The following FBN3 variants were observed in gnomAD, a reference collection of about 807,000 sequenced individuals.
The protein encoded by FBN3 is fibrillin 3, also known as fibrillin-3.
A neutral mutation model predicts 330.1 loss-of-function variants in FBN3; 234 were observed. The ratio of observed to expected loss-of-function variants is 0.71; its 90% CI spans 0.64 to 0.79. The LOEUF (loss-of-function observed/expected upper bound fraction) is 0.79. Ranked by LOEUF, FBN3 falls within the 30% of genes least tolerant of loss-of-function variation. The pLI, the probability that FBN3 is intolerant of heterozygous loss-of-function variation, is 0.00. For missense variants in FBN3, 3,606 were observed against 3,886.9 expected, an observed-to-expected ratio of 0.93 and a Z score of 1.92; for synonymous variants, 1,458 against 1,517.3, an observed-to-expected ratio of 0.96 and a Z score of 0.91.
chr19:8,145,978 G>A, intron 4 of FBN3, 40 bp from the exon 5 acceptor site: 2 of 1,529,026 alleles, frequency 1.3e-6, no homozygotes, highest in Non-Finnish European at 1.8e-6. Context: ...ATGTGGAGAT[G>A]GGCCCCGAGA....
chr19:8,094,325 T>G, intron 47 of FBN3, 121 bp downstream of exon 47: 1 of 1,068,532 alleles, frequency 9.4e-7, no homozygotes, highest in East Asian at 2.7e-5. Flanking sequence ...GAAGCTGTGT[T>G]TGACGCTGCG....
At chr19:8,082,797 T>TG (rs2081836697) in intron 57 of FBN3, among the ~76,000 whole-genome samples, 2 of 26,956 alleles carry the variant, frequency 7.4e-5, no homozygotes, top group South Asian at 1.0e-3. Flanking sequence ...CCTGGCCTGT[T>TG]TTTTTTTTTC....
At chr19:8,070,626 C>G (rs2145347422) in intron 63 of FBN3, among the ~76,000 whole-genome samples, 1 of 152,320 alleles carries the variant, frequency 6.6e-6, no homozygotes. Flanking sequence ...GTCCACGTGC[C>G]ATATCCATGG....
chr19:8,124,635 T>C (rs574396196), intron 22 of FBN3, among the ~76,000 whole-genome samples: 1 of 151,522 alleles, frequency 6.6e-6, no homozygotes, highest in South Asian at 2.1e-4. Context: ...CCTCCCGGGT[T>C]CAAGCGATTC....
At chr19:8,067,040 AG>A in intron 63 of FBN3, among the ~76,000 whole-genome samples, 1 of 152,128 alleles carries the variant, frequency 6.6e-6, no homozygotes, top group South Asian at 2.1e-4. Flanking sequence ...GGATGGGCAC[AG>A]GGGCTCATGC....
rs193241208 is a variant in FBN3 at position 8,082,241 on chromosome 19, G to T, written c.7214-761C>A. Among the ~76,000 whole-genome samples the T allele has an allele frequency of 2.6e-5, 4 of 151,736 alleles. No individual in the cohort carries two copies. In the East Asian group the frequency reaches 5.9e-4, roughly 22 times the overall value. ...GCCTCAGCCTCCCAAAGTGTGCTGG[G>T]ATTACAGGCGTGAGCCACCTCACTT... On this transcript the variant is annotated intron_variant, in intron 57 of 63. Transcript: ENST00000600128.
chr19:8,105,238 C>T (rs1287853117), intron 38 of FBN3, among the ~76,000 whole-genome samples: 3 of 151,828 alleles, frequency 2.0e-5, no homozygotes, highest in African/African-American at 7.2e-5. Flanking sequence ...CAAGCATGAG[C>T]CACTGTGCCC....
intron 40 of FBN3, 121 bp downstream of exon 40, chr19:8,102,603 A>G: frequency 1.0e-6 from 1 of 973,438 alleles, no homozygotes; most frequent in Non-Finnish European, 1.6e-6. Context: ...ACAAAACTTC[A>G]ACTCTCTGGC....
At chr19:8,098,383 C>T (rs1342599455) in intron 41 of FBN3, among the ~76,000 whole-genome samples, 2 of 151,230 alleles carry the variant, frequency 1.3e-5, no homozygotes, top group African/African-American at 4.9e-5. Flanking sequence ...CCTAAGTGCC[C>T]ATCAATAGGG....
chr19:8,117,176 T>A lies in FBN3; in HGVS notation c.3579A>T (p.Ala1193=). 6.2e-7 allele frequency: 1 copy of A among 1,614,096 alleles called. No individual in the cohort carries two copies. ...QGYSLMPDGR[A]CADVDECEEN... is the part of the protein sequence containing the mutation. ...GAAGTTGTGCCCACCTACCTGCACATGCCCTTCCGTCGGGCATCAGCGAGT... is the reference window on the plus strand; with the variant it reads ...GAAGTTGTGCCCACCTACCTGCACAAGCCCTTCCGTCGGGCATCAGCGAGT... Residue 1193 remains alanine (A), a synonymous_variant, in exon 28 of 64, where the codon GCA becomes GCT. Coordinates refer to ENST00000600128, the MANE Select transcript of FBN3 (RefSeq NM_032447.5).
Position 8,109,728 on chromosome 19 carries a change from T to C in FBN3, c.4359A>G (p.Val1453=). The stretch of plus-strand genomic sequence containing the variant: ...TAATGCACACGCCGTTGATGCAGTT[T>C]ACTGGGTCTGCACACTCGTTGATGT... ...CTDINECADP[V]NCINGVCINT... The change falls in exon 35 of 64, where the codon GTA becomes GTG. Residue 1453 remains valine (V), a synonymous_variant. Coordinates refer to ENST00000600128, the MANE Select transcript of FBN3 (RefSeq NM_032447.5). The surrounding 1 kb of genome is among the most constrained non-coding windows in gnomAD (Gnocchi z 5.2). The C allele has an allele frequency of 6.5e-7, 1 of 1,536,562 alleles. No individual in the cohort carries two copies.
intron 36 of FBN3, 126 bp from the exon 37 acceptor site, chr19:8,108,364 G>A (rs1320273334): frequency 7.2e-6 from 5 of 695,328 alleles, no homozygotes; most frequent in Non-Finnish European, 1.2e-5. Context: ...CTGTACTAAC[G>A]ACATCCCCAT....
chr19:8,125,795 A>G (rs12986194), intron 22 of FBN3, 97 bp downstream of exon 22: 358,829 of 1,319,636 alleles, frequency 0.27, 24,793 homozygotes, highest in Non-Finnish European at 0.3. Context: ...CATCTCAAAA[A>G]AAAAAAAAAA....
intron 10 of FBN3, 39 bp from the exon 11 acceptor site, chr19:8,136,570 G>C: frequency 6.2e-7 from 1 of 1,609,330 alleles, no homozygotes; most frequent in Non-Finnish European, 8.5e-7. Context: ...AGCAGTGGCT[G>C]GCCCCGCCCC....
rs758832279 is a variant in FBN3 at position 8,100,897 on chromosome 19, T to C, written c.5161+4A>G. On this transcript the variant is annotated splice_donor_region_variant and intron_variant, in intron 41 of 63. Coordinates refer to ENST00000600128, the MANE Select transcript of FBN3 (RefSeq NM_032447.5). ...CAGGGATAGAGCAGGGACCACTCAC[T>C]CACCAAGGGGCTTCCCCGTGTGGAT... 1 of 1,612,972 alleles carries C rather than the reference T, an allele frequency of 6.2e-7. No homozygotes were observed. Among genetic ancestry groups the C allele is most frequent in the African/African-American group, 1.3e-5 (1 of 74,802 alleles).
chr19:8,145,588 G>A (rs2083518497), intron 5 of FBN3, among the ~76,000 whole-genome samples: 1 of 150,428 alleles, frequency 6.6e-6, no homozygotes. Context: ...GGCTGAGGCA[G>A]GAGAATGGCG....
chr19:8,112,746 C>G (rs2082619691), intron 30 of FBN3, among the ~76,000 whole-genome samples: 1 of 152,252 alleles, frequency 6.6e-6, no homozygotes, highest in Non-Finnish European at 1.5e-5. Flanking sequence ...CATTTCCAAT[C>G]CAGAGTCAAT....
intron 63 of FBN3, 46 bp from the exon 64 acceptor site, chr19:8,066,306 G>A: frequency 1.4e-6 from 2 of 1,392,590 alleles, no homozygotes; most frequent in South Asian, 1.4e-5. Context: ...GGAGAATCGG[G>A]ATGTGGTGTG....
At chr19:8,143,795 T>TTTTC (rs146473687) in intron 6 of FBN3, among the ~76,000 whole-genome samples, 56 of 140,014 alleles carry the variant, frequency 4.0e-4, no homozygotes, top group South Asian at 1.9e-3. Flanking sequence ...GCCTGGCCTC[T>TTTTC]TTTCTTTCTT....
Sources: allele counts gnomAD v4.1 joint callset (sites outside exome capture counted in the v4.1 genomes callset), GRCh38; gene constraint gnomAD v4.1.1; non-coding constraint Gnocchi (gnomAD v3.1); transcripts MANE v1.5; gene names NCBI Gene and HGNC (gene_info 2026-07-23, HGNC 2026-07-21).